FAM114A1: variants seen among roughly 807,000 people sequenced by gnomAD.
FAM114A1 encodes the protein protein NOXP20.
Under a neutral mutation model 64.3 loss-of-function variants are expected in FAM114A1, and 62 were observed. The observed-to-expected ratio is 0.96, with a 90% confidence interval of 0.79 to 1.19. The LOEUF is 1.19. Among genes scored for constraint, FAM114A1 ranks in the 50% most tolerant of loss-of-function variants. FAM114A1 has a pLI of 0.00. For synonymous variants in FAM114A1, 254 were observed against 251.1 expected (o/e 1.01, Z -0.11); for missense variants, 645 against 676.3 (o/e 0.95, Z 0.51).
Position 38,905,599 on chromosome 4 carries a change from G to A in FAM114A1, c.514G>A (p.Gly172Arg). The change falls in exon 5 of 15, where the codon GGA becomes AGA. Residue 172 changes from glycine to arginine, a missense_variant. Coordinates refer to ENST00000358869, the MANE Select transcript of FAM114A1 (RefSeq NM_138389.4). ...TGGTGTAAATTCTGGATCTTCTGAA[G>A]GAGCCCAACCAAATACTGAAAACGG... ...IHGVNSGSSE[G>R]AQPNTENGVP... The A allele has an allele frequency of 6.2e-7, 1 of 1,614,172 alleles. No individual in the cohort carries two copies.
At chr4:38,904,248 G>T (rs2109668181) in intron 4 of FAM114A1, among the ~76,000 whole-genome samples, 1 of 152,320 alleles carries the variant, frequency 6.6e-6, no homozygotes, top group Admixed American at 6.5e-5. Flanking sequence ...TCTCCTTCAA[G>T]AAGTCAGACA....
At chr4:38,912,980 A>C (rs1718699908) in intron 7 of FAM114A1, among the ~76,000 whole-genome samples, 1 of 152,236 alleles carries the variant, frequency 6.6e-6, no homozygotes, top group African/African-American at 2.4e-5. Flanking sequence ...AAAGACAGAC[A>C]GGAGAGAGAA....
intron 8 of FAM114A1, among the ~76,000 whole-genome samples, chr4:38,919,627 G>A (rs1382516126): frequency 6.6e-6 from 1 of 152,246 alleles, no homozygotes; most frequent in East Asian, 1.9e-4. Context: ...CCTAAAGGCA[G>A]TGTTGGATTT....
chr4:38,887,535 C>T (rs913743040), intron 3 of FAM114A1, among the ~76,000 whole-genome samples: 25 of 152,182 alleles, frequency 1.6e-4, no homozygotes, highest in African/African-American at 4.3e-4. Context: ...TAATAATGTG[C>T]GGAAACTTGG....
intron 2 of FAM114A1, among the ~76,000 whole-genome samples, chr4:38,870,403 T>A (rs1713927378): frequency 6.6e-6 from 1 of 152,218 alleles, no homozygotes; most frequent in African/African-American, 2.4e-5. Flanking sequence ...CTGTTTTGTG[T>A]TAGCTCCTCA....
At chr4:38,889,557 C>T (rs550570602) in intron 3 of FAM114A1, among the ~76,000 whole-genome samples, 24 of 152,262 alleles carry the variant, frequency 1.6e-4, no homozygotes, top group African/African-American at 4.3e-4. Context: ...CTTCACGAAC[C>T]GGTGAGGTTA....
intron 3 of FAM114A1, among the ~76,000 whole-genome samples, chr4:38,883,270 G>A (rs945664400): frequency 6.6e-6 from 1 of 152,176 alleles, no homozygotes; most frequent in Non-Finnish European, 1.5e-5. Context: ...ACAGGCACAA[G>A]GGAGGCTTTA....
rs78399861 is a variant in FAM114A1, at chr4:38,898,258, G to A, written c.436+6428G>A. On this transcript the variant is annotated intron_variant, in intron 4 of 14. Transcript: ENST00000358869. ...CCTGAGGTTGGGGGTTGGTGTGTAC[G>A]GAATGTACCTGATATGTATATTTAC... Among the ~76,000 whole-genome samples the A allele has an allele frequency of 3.9e-3, 594 of 152,236 alleles. 3 individuals carry two copies. The highest frequency in any genetic ancestry group is 0.024 in the South Asian group (117 of 4,820).
chr4:38,945,596 T>C lies in FAM114A1; in HGVS notation c.*2039T>C, dbSNP rs1721902197. ...AAGTAAGGATATTTTAATATCATCC[T>C]ACTTCTTATTAGCATTTCATTTGTC... On this transcript the variant is annotated 3_prime_UTR_variant, in exon 15 of 15. Coordinates refer to ENST00000358869, the MANE Select transcript of FAM114A1 (RefSeq NM_138389.4). 2 of 152,258 alleles carry C rather than the reference T, an allele frequency of 1.3e-5. No individual in the cohort carries two copies. The highest frequency in any genetic ancestry group is 1.3e-4 in the Admixed American group (2 of 15,284). The allele number at this position is 152,258 out of a possible 1,614,324, so 9.4% of individuals were successfully genotyped here.
At position 38,912,412 on chromosome 4, in the gene FAM114A1, T is replaced by C. The variant is rs146183700; in HGVS notation, c.793-2509T>C. On this transcript the variant is annotated intron_variant, in intron 7 of 14. Coordinates refer to ENST00000358869, the MANE Select transcript of FAM114A1 (RefSeq NM_138389.4). ...TTTGTTTGTTTGTTTTGAGATGGAGTCTCACTCTGTCACCCAGGCTGGAGT... is the reference window on the plus strand; with the variant it reads ...TTTGTTTGTTTGTTTTGAGATGGAGCCTCACTCTGTCACCCAGGCTGGAGT... 5.0e-3 allele frequency among the ~76,000 whole-genome samples: 753 copies of C among 151,038 alleles called. 9 individuals carry two copies. Among genetic ancestry groups the C allele is most frequent in the African/African-American group, 0.017 (706 of 41,138 alleles).
intron 12 of FAM114A1, among the ~76,000 whole-genome samples, chr4:38,935,174 C>T (rs949013260): frequency 6.6e-6 from 1 of 152,190 alleles, no homozygotes; most frequent in African/African-American, 2.4e-5. Flanking sequence ...ACCTCGGCCT[C>T]CCACAGCTGA....
At position 38,922,728 on chromosome 4, in the gene FAM114A1, G is replaced by T. The variant is rs1285615120; in HGVS notation, c.946-42G>T. 4 of 1,585,324 alleles carry T rather than the reference G, an allele frequency of 2.5e-6. No individual in the cohort carries two copies. In the East Asian group the frequency reaches 9.0e-5, roughly 36 times the overall value. ...CGCTGTGTGTAAACGTTATTAACGAGAAGAAAAGATGACAGTCGTGCTGAC... is the reference window on the plus strand; with the variant it reads ...CGCTGTGTGTAAACGTTATTAACGATAAGAAAAGATGACAGTCGTGCTGAC... On this transcript the variant is annotated intron_variant, in intron 8 of 14. Coordinates refer to ENST00000358869, the MANE Select transcript of FAM114A1 (RefSeq NM_138389.4).
At chr4:38,906,325 C>T (rs1039748599) in intron 6 of FAM114A1, among the ~76,000 whole-genome samples, 1 of 152,092 alleles carries the variant, frequency 6.6e-6, no homozygotes, top group African/African-American at 2.4e-5. Flanking sequence ...CAGAGACCAG[C>T]GTTCTTCCCC....
chr4:38,944,068 CTTT>C lies in FAM114A1; in HGVS notation c.*528_*530del, dbSNP rs749204163. The C allele has an allele frequency of 4.1e-5, 5 of 122,164 alleles. No homozygotes were observed. The highest frequency in any genetic ancestry group is 8.6e-5 in the Admixed American group (1 of 11,562). 7.6% of individuals were successfully genotyped at this position (122,164 alleles called of 1,614,324 possible). On this transcript the variant is annotated 3_prime_UTR_variant, in exon 15 of 15. Coordinates refer to ENST00000358869, the MANE Select transcript of FAM114A1 (RefSeq NM_138389.4). ...TAAAAAATAGGAACATATTGTCATTCTTTTTTTTTTTTTTTTTTTGAGACAGAG... is the reference window on the plus strand; with the variant it reads ...TAAAAAATAGGAACATATTGTCATTCTTTTTTTTTTTTTTTTGAGACAGAG...
chr4:38,886,922 C>A (rs6854506), intron 3 of FAM114A1, among the ~76,000 whole-genome samples: 2 of 139,410 alleles, frequency 1.4e-5, no homozygotes, highest in East Asian at 2.1e-4. Context: ...AGCGAGACTC[C>A]GTCTCAAAAA....
chr4:38,908,845 C>G, intron 7 of FAM114A1, 119 bp downstream of exon 7: 1 of 1,074,320 alleles, frequency 9.3e-7, no homozygotes, highest in Non-Finnish European at 1.3e-6. Flanking sequence ...CACCAAAGAG[C>G]AGAGAGAGAA....
intron 13 of FAM114A1, among the ~76,000 whole-genome samples, chr4:38,936,813 A>G (rs571138088): frequency 1.3e-5 from 2 of 150,872 alleles, no homozygotes; most frequent in Admixed American, 1.3e-4. Context: ...GGCCTCCCAA[A>G]CTGCTGGATT....
At chr4:38,895,879 A>C (rs1716882796) in intron 4 of FAM114A1, among the ~76,000 whole-genome samples, 1 of 152,194 alleles carries the variant, frequency 6.6e-6, no homozygotes, top group Non-Finnish European at 1.5e-5. Flanking sequence ...TAGAAAAGGC[A>C]CAGGAAAAAT....
intron 3 of FAM114A1, among the ~76,000 whole-genome samples, chr4:38,883,903 G>A (rs1292240932): frequency 1.3e-5 from 2 of 152,206 alleles, no homozygotes; most frequent in Non-Finnish European, 2.9e-5. Flanking sequence ...ATAGAGAGCA[G>A]TGCTTCCCAG....
Sources: gnomAD v4.1 joint callset for allele counts (sites outside exome capture counted in the v4.1 genomes callset) on GRCh38, gnomAD v4.1.1 for gene constraint, MANE v1.5 for transcripts, NCBI Gene and HGNC (gene_info 2026-07-23, HGNC 2026-07-21) for gene names.